The following STXBP5L variants were observed in gnomAD, a reference collection of about 807,000 sequenced individuals.
STXBP5L encodes syntaxin binding protein 5L.
In STXBP5L, 65 loss-of-function variants were observed where a neutral mutation model predicts 144.5. The ratio of observed to expected loss-of-function variants is 0.45; its 90% confidence interval spans 0.37 to 0.55. The LOEUF is 0.55. Among genes scored for constraint, STXBP5L ranks in the 20% least tolerant of loss-of-function variants. The probability of loss-of-function intolerance (pLI) is 0.00; values close to 1 mark genes in which losing one functional copy is unlikely to be tolerated. For synonymous variants in STXBP5L, 505 were observed against 469.6 expected (o/e 1.08, Z -0.97); for missense variants, 1,298 against 1,405.5 (o/e 0.92, Z 1.22).
intron 3 of STXBP5L, among the ~76,000 whole-genome samples, chr3:120,971,900 G>C (rs939606718): frequency 6.6e-6 from 1 of 151,836 alleles, no homozygotes; most frequent in Non-Finnish European, 1.5e-5. Flanking sequence ...GTATATGACT[G>C]TTTTTTAACC....
intron 3 of STXBP5L, among the ~76,000 whole-genome samples, chr3:120,970,569 G>A (rs1940132343): frequency 6.6e-6 from 1 of 152,030 alleles, no homozygotes; most frequent in Non-Finnish European, 1.5e-5. Flanking sequence ...TGTTCAATAT[G>A]ATGTTTCTTT....
At chr3:121,333,272 C>T (rs1276890038) in intron 20 of STXBP5L, among the ~76,000 whole-genome samples, 1 of 151,980 alleles carries the variant, frequency 6.6e-6, no homozygotes, top group Non-Finnish European at 1.5e-5. Context: ...AAATGCTCTA[C>T]TTAAAATATA....
intron 20 of STXBP5L, among the ~76,000 whole-genome samples, chr3:121,362,936 T>C (rs2108642672): frequency 6.6e-6 from 1 of 152,258 alleles, no homozygotes; most frequent in East Asian, 1.9e-4. Flanking sequence ...CTAGGGGCTC[T>C]ACAGTTAGGA....
At chr3:121,339,185 A>G (rs1477868913) in intron 20 of STXBP5L, among the ~76,000 whole-genome samples, 8 of 152,166 alleles carry the variant, frequency 5.3e-5, no homozygotes. Flanking sequence ...ATACTAGCAA[A>G]CTAAACCCAA....
chr3:120,958,911 T>C (rs557842543), intron 3 of STXBP5L, among the ~76,000 whole-genome samples: 14 of 152,092 alleles, frequency 9.2e-5, no homozygotes, highest in South Asian at 2.1e-4. Flanking sequence ...CCAGGGCAAT[T>C]AGGCAGGAGA....
chr3:121,276,092 C>G (rs1411479098), intron 18 of STXBP5L, among the ~76,000 whole-genome samples: 1 of 144,824 alleles, frequency 6.9e-6, no homozygotes, highest in Non-Finnish European at 1.5e-5. Context: ...TCTTCTTTTT[C>G]TCTGCCTTCT....
chr3:121,113,672 C>CTTTTT (rs1231857211), intron 5 of STXBP5L, among the ~76,000 whole-genome samples: 47 of 122,560 alleles, frequency 3.8e-4, no homozygotes, highest in East Asian at 6.9e-4. Context: ...TTTTCTTTTT[C>CTTTTT]TTTTTTTTTT....
At chr3:121,038,964 A>T (rs920447209) in intron 3 of STXBP5L, among the ~76,000 whole-genome samples, 1 of 151,720 alleles carries the variant, frequency 6.6e-6, no homozygotes, top group Admixed American at 6.6e-5. Context: ...TTAACTTTTA[A>T]CCTATTTGTA....
chr3:121,342,454 G>A (rs1432047416), intron 20 of STXBP5L, among the ~76,000 whole-genome samples: 12 of 151,116 alleles, frequency 7.9e-5, no homozygotes, highest in East Asian at 2.0e-4. Flanking sequence ...CCATTAACTC[G>A]TCATTTAGCA....
At chr3:121,221,332 T>C (rs1218318489) in intron 10 of STXBP5L, among the ~76,000 whole-genome samples, 1 of 151,820 alleles carries the variant, frequency 6.6e-6, no homozygotes, top group African/African-American at 2.4e-5. Flanking sequence ...CCAATGTATA[T>C]ACAAAAAAGC....
chr3:121,308,906 C>T (rs893457292), intron 19 of STXBP5L, among the ~76,000 whole-genome samples: 5 of 152,036 alleles, frequency 3.3e-5, no homozygotes, highest in African/African-American at 1.2e-4. Context: ...CTGTATCTCA[C>T]TGGAATTAAG....
chr3:121,120,816 A>G (rs1256009036), intron 6 of STXBP5L, among the ~76,000 whole-genome samples: 1 of 151,330 alleles, frequency 6.6e-6, no homozygotes, highest in Non-Finnish European at 1.5e-5. Flanking sequence ...ATATAATCAT[A>G]AGAATAATTT....
chr3:121,218,483 T>C (rs76553558), intron 10 of STXBP5L, among the ~76,000 whole-genome samples: 6,959 of 151,414 alleles, frequency 0.046, 215 homozygotes, highest in Middle Eastern at 0.1. Context: ...TTTGTTATAT[T>C]CTAGCAGTAG....
chr3:121,092,128 A>G (rs917346870), intron 5 of STXBP5L, among the ~76,000 whole-genome samples: 8 of 151,946 alleles, frequency 5.3e-5, no homozygotes, highest in African/African-American at 1.5e-4. Flanking sequence ...CTATTGGTCT[A>G]TATCTCTGTT....
At chr3:121,163,985 C>T (rs1014142747) in intron 9 of STXBP5L, among the ~76,000 whole-genome samples, 2 of 152,016 alleles carry the variant, frequency 1.3e-5, no homozygotes, top group Non-Finnish European at 2.9e-5. Flanking sequence ...AAAGTATAAG[C>T]TTCAATGATT....
intron 5 of STXBP5L, among the ~76,000 whole-genome samples, chr3:121,082,596 A>C (rs1258698021): frequency 6.6e-6 from 1 of 152,228 alleles, no homozygotes; most frequent in African/African-American, 2.4e-5. Context: ...TGGTAATTTT[A>C]TCTCTGAATC....
intron 19 of STXBP5L, among the ~76,000 whole-genome samples, chr3:121,302,236 A>G (rs2108492897): frequency 6.6e-6 from 1 of 152,258 alleles, no homozygotes; most frequent in South Asian, 2.1e-4. Context: ...TTATTGGTCT[A>G]TTCAGAGATT....
intron 19 of STXBP5L, chr3:121,282,280 C>A: frequency 6.2e-7 from 1 of 1,611,864 alleles, no homozygotes; most frequent in Non-Finnish European, 8.5e-7. Context: ...CTTTTGCATG[C>A]GTGGCCTGTC....
intron 18 of STXBP5L, among the ~76,000 whole-genome samples, chr3:121,266,927 A>G (rs919870027): frequency 2.0e-5 from 3 of 152,202 alleles, no homozygotes; most frequent in Non-Finnish European, 4.4e-5. Flanking sequence ...GACCTCTTCA[A>G]GGAGAACTAC....
Sources: gnomAD v4.1 joint callset for allele counts (sites outside exome capture counted in the v4.1 genomes callset) on GRCh38, gnomAD v4.1.1 for gene constraint, MANE v1.5 for transcripts, NCBI Gene and HGNC (gene_info 2026-07-23, HGNC 2026-07-21) for gene names.